The following SPATA7 variants were observed in gnomAD, a reference collection of about 807,000 sequenced individuals.
SPATA7 encodes spermatogenesis associated 7.
A neutral mutation model predicts 51.8 loss-of-function variants in SPATA7; 43 were observed. The observed-to-expected ratio is 0.83, with a 90% confidence interval of 0.65 to 1.07. SPATA7 has a LOEUF of 1.07. SPATA7 is among the 50% of genes least tolerant of loss of function. The pLI, the probability that SPATA7 is intolerant of heterozygous loss-of-function variation, is 0.00. For synonymous variants in SPATA7, 230 were observed against 252.8 expected (o/e 0.91, Z 0.86); for missense variants, 683 against 701.3 (o/e 0.97, Z 0.30).
intron 3 of SPATA7, among the ~76,000 whole-genome samples, chr14:88,445,941 A>T (rs2140041882): frequency 6.6e-6 from 1 of 152,232 alleles, no homozygotes; most frequent in East Asian, 1.9e-4. Flanking sequence ...ATTGGTCTAA[A>T]ATTCTCTTTT....
downstream of SPATA7, among the ~76,000 whole-genome samples, chr14:88,457,676 G>A (rs1427782228): frequency 6.6e-6 from 1 of 152,114 alleles, no homozygotes; most frequent in African/African-American, 2.4e-5. Flanking sequence ...CTGCACACAG[G>A]GACAATTTGA....
At chr14:88,470,177 G>T in exon 5 of SPATA7, 1 of 804,802 alleles carries the variant, frequency 1.2e-6, no homozygotes, top group South Asian at 1.8e-5. Flanking sequence ...TAGTAAACTG[G>T]ATTATTCAGC....
Position 88,444,659 on chromosome 14 carries a change from G to A in SPATA7, c.177+6756G>A, listed in dbSNP as rs149021106. Among the ~76,000 whole-genome samples, 501 of 152,236 alleles carry A rather than the reference G, an allele frequency of 3.3e-3. 2 individuals carry two copies. The highest frequency in any genetic ancestry group is 0.011 in the African/African-American group (459 of 41,524). On this transcript the variant is annotated intron_variant, in intron 3 of 3. Transcript: ENST00000554802. ...TTTAATCCATCCTGAACTGATTTTC[G>A]TATAAGGTGTAAGGAAGGGATCCAG...
At chr14:88,463,199 G>T (rs2077328239) in intron 4 of SPATA7, among the ~76,000 whole-genome samples, 3 of 152,072 alleles carry the variant, frequency 2.0e-5, no homozygotes, top group Non-Finnish European at 4.4e-5. Context: ...TTTCAAGCCA[G>T]TAATATTAAG....
intron 9 of SPATA7, 125 bp downstream of exon 9, chr14:88,431,350 T>G (rs1465896998): frequency 1.1e-6 from 1 of 907,636 alleles, no homozygotes; most frequent in East Asian, 2.4e-5. Context: ...GTAATAAATG[T>G]ACATATTCAT....
chr14:88,451,832 AT>A (rs1010107241), intron 3 of SPATA7, among the ~76,000 whole-genome samples: 1 of 151,692 alleles, frequency 6.6e-6, no homozygotes, highest in African/African-American at 2.4e-5. Flanking sequence ...GCCCTATATC[AT>A]TTTTTTTATT....
chr14:88,435,430 C>T (rs1046685260), intron 10 of SPATA7, among the ~76,000 whole-genome samples: 1 of 152,138 alleles, frequency 6.6e-6, no homozygotes. Flanking sequence ...CTTTGAGTTA[C>T]AAACGATCAG....
At chr14:88,395,309 A>C (rs2075851445) in intron 3 of SPATA7, among the ~76,000 whole-genome samples, 1 of 152,046 alleles carries the variant, frequency 6.6e-6, no homozygotes, top group Non-Finnish European at 1.5e-5. Flanking sequence ...TTTCTCATTT[A>C]AATAGCTAAA....
intron 5 of SPATA7, among the ~76,000 whole-genome samples, chr14:88,420,412 T>C (rs1454866815): frequency 1.3e-5 from 2 of 152,234 alleles, no homozygotes; most frequent in African/African-American, 4.8e-5. Flanking sequence ...TCAGGTTAGT[T>C]GTTTGCTCTG....
intron 3 of SPATA7, among the ~76,000 whole-genome samples, chr14:88,448,469 C>T (rs1273227861): frequency 2.6e-5 from 4 of 152,272 alleles, no homozygotes; most frequent in South Asian, 2.1e-4. Context: ...TCGTCTGAAG[C>T]CTTCTTCTCT....
chr14:88,427,763 A>G (rs2076836618), intron 7 of SPATA7, 67 bp downstream of exon 7: 5 of 1,103,154 alleles, frequency 4.5e-6, no homozygotes, highest in Non-Finnish European at 1.4e-6. Context: ...TAAATAGAAT[A>G]TGTACAGCTA....
chr14:88,463,080 G>A (rs576775986), intron 4 of SPATA7, among the ~76,000 whole-genome samples: 1 of 152,220 alleles, frequency 6.6e-6, no homozygotes, highest in Non-Finnish European at 1.5e-5. Context: ...TTACTTGTAT[G>A]TGACCTAGGG....
chr14:88,456,937 A>C (rs1402200544), downstream of SPATA7, among the ~76,000 whole-genome samples: 4 of 152,190 alleles, frequency 2.6e-5, no homozygotes, highest in African/African-American at 7.2e-5. Context: ...TCAGCTTTCT[A>C]CATATGGCTA....
Position 88,385,836 on chromosome 14 carries a change from A to G in SPATA7, c.18A>G (p.Arg6=), listed in dbSNP as rs1595158244. The G allele has an allele frequency of 6.2e-7, 1 of 1,603,720 alleles. No homozygotes were observed. The highest frequency in any genetic ancestry group is 1.1e-5 in the South Asian group (1 of 88,944). ...GACTAAGCATGGATGGCAGCCGGAG[A>G]GGTAAAGGGCAGCTGTCAGGGGCTA... MDGSR[R]VRATSVLPRY... The change falls in exon 1 of 12, where the codon AGA becomes AGG. Residue 6 remains arginine, a splice_region_variant and synonymous_variant. Coordinates refer to ENST00000393545, the MANE Select transcript of SPATA7 (RefSeq NM_018418.5).
intron 4 of SPATA7, chr14:88,468,410 A>G (rs2077400109): frequency 1.3e-6 from 1 of 756,922 alleles, no homozygotes; most frequent in South Asian, 2.1e-5. Flanking sequence ...ATAAGCCATG[A>G]TTGCCTACTT....
intron 2 of SPATA7, among the ~76,000 whole-genome samples, chr14:88,392,059 A>T (rs1274811301): frequency 6.6e-6 from 1 of 152,076 alleles, no homozygotes; most frequent in Non-Finnish European, 1.5e-5. Context: ...TTACCTCCAA[A>T]TGTGGTGGAA....
chr14:88,446,896 A>C (rs887626853), intron 3 of SPATA7, among the ~76,000 whole-genome samples: 2 of 152,038 alleles, frequency 1.3e-5, no homozygotes, highest in African/African-American at 4.8e-5. Context: ...GGAGAGCTTT[A>C]CTTCCAAGTA....
chr14:88,419,570 A>C (rs910777947), intron 5 of SPATA7, among the ~76,000 whole-genome samples: 14 of 147,386 alleles, frequency 9.5e-5, no homozygotes, highest in Non-Finnish European at 1.6e-4. Flanking sequence ...TTTTTTACCC[A>C]GGCCAGACTG....
At chr14:88,421,747 G>T (rs1460229090) in intron 5 of SPATA7, among the ~76,000 whole-genome samples, 1 of 151,996 alleles carries the variant, frequency 6.6e-6, no homozygotes, top group East Asian at 1.9e-4. Flanking sequence ...TCAGGAGTTC[G>T]AGACCAGCCT....
Sources: allele counts gnomAD v4.1 joint callset (sites outside exome capture counted in the v4.1 genomes callset), GRCh38; gene constraint gnomAD v4.1.1; transcripts MANE v1.5; gene names NCBI Gene and HGNC (gene_info 2026-07-23, HGNC 2026-07-21).